SPOCK1: variants seen among roughly 807,000 people sequenced by gnomAD.
The protein encoded by SPOCK1 is SPARC (osteonectin), cwcv and kazal like domains proteoglycan 1.
In SPOCK1, 23 loss-of-function variants were observed where a neutral mutation model predicts 55.3. The observed-to-expected ratio is 0.42, with a 90% confidence interval of 0.30 to 0.59. The LOEUF is 0.59. Ranked by LOEUF, SPOCK1 falls within the 20% of genes least tolerant of loss-of-function variation. The pLI is 0.22. For synonymous variants in SPOCK1, 226 were observed against 221.0 expected (o/e 1.02, Z -0.20); for missense variants, 499 against 552.5 (o/e 0.90, Z 0.97).
intron 8 of SPOCK1, among the ~76,000 whole-genome samples, chr5:136,985,754 C>A (rs752235517): frequency 6.6e-6 from 1 of 152,176 alleles, no homozygotes; most frequent in Non-Finnish European, 1.5e-5. Context: ...GGCTCTGCCA[C>A]CTCCTAGCTG....
intron 2 of SPOCK1, among the ~76,000 whole-genome samples, chr5:137,383,554 G>T (rs918466724): frequency 2.6e-5 from 4 of 152,176 alleles, no homozygotes; most frequent in Non-Finnish European, 5.9e-5. Context: ...CCTAGTCAGG[G>T]TAACTTCCTC....
chr5:137,109,697 T>G (rs1377142729), intron 5 of SPOCK1, among the ~76,000 whole-genome samples: 1 of 152,116 alleles, frequency 6.6e-6, no homozygotes, highest in Non-Finnish European at 1.5e-5. Context: ...ATCCTCATGG[T>G]TCTTCAAACA....
chr5:137,376,580 A>G (rs1751323543), intron 2 of SPOCK1, among the ~76,000 whole-genome samples: 1 of 152,262 alleles, frequency 6.6e-6, no homozygotes, highest in South Asian at 2.1e-4. Context: ...TATCCACCAT[A>G]CAAAGGTTTC....
At chr5:137,324,790 A>AG (rs201927746) in intron 2 of SPOCK1, among the ~76,000 whole-genome samples, 1 of 150,066 alleles carries the variant, frequency 6.7e-6, no homozygotes, top group East Asian at 2.0e-4. Context: ...AACCACAATT[A>AG]GGAAAAAAAA....
chr5:137,493,486 G>A (rs1272314595), intron 2 of SPOCK1, among the ~76,000 whole-genome samples: 1 of 152,220 alleles, frequency 6.6e-6, no homozygotes, highest in African/African-American at 2.4e-5. Context: ...GGGGCAAGGA[G>A]CTCTGCCATC....
chr5:136,978,787 T>C lies in SPOCK1; in HGVS notation c.1187A>G (p.Asp396Gly), dbSNP rs777325940. 1 of 1,614,056 alleles carries C rather than the reference T, an allele frequency of 6.2e-7. No homozygotes were observed. The highest frequency in any genetic ancestry group is 1.1e-5 in the South Asian group (1 of 91,068). The part of the protein sequence containing the change: ...FGSGGSVVLL[D>G]DLEYERELGP... ...CAGCTCCCGTTCATATTCTAGGTCA[T>C]CCAGCAGGACCACGGACCCACCACT... The change falls in exon 11 of 11, where the codon GAT becomes GGT. Residue 396 changes from aspartate to glycine, a missense_variant. By Grantham distance (94) the Asp-to-Gly change is moderately conservative (BLOSUM62 -1). Coordinates refer to ENST00000394945, the MANE Select transcript of SPOCK1 (RefSeq NM_004598.4).
chr5:137,070,212 G>A (rs757177455), intron 5 of SPOCK1, among the ~76,000 whole-genome samples: 5 of 152,312 alleles, frequency 3.3e-5, no homozygotes, highest in Middle Eastern at 3.4e-3. Flanking sequence ...GGACCCAGAA[G>A]GCAGAGAACA....
intron 4 of SPOCK1, among the ~76,000 whole-genome samples, chr5:137,133,500 C>T (rs1753923414): frequency 6.6e-6 from 1 of 152,196 alleles, no homozygotes; most frequent in African/African-American, 2.4e-5. Flanking sequence ...TAATTATTCA[C>T]ATCTCCATTA....
intron 3 of SPOCK1, among the ~76,000 whole-genome samples, chr5:137,190,478 G>GGT (rs1755158859): frequency 6.6e-6 from 1 of 152,058 alleles, no homozygotes; most frequent in African/African-American, 2.4e-5. Context: ...TTTAAATTAA[G>GGT]GTATGTACAT....
At chr5:137,477,492 A>G (rs994618917) in intron 2 of SPOCK1, among the ~76,000 whole-genome samples, 1 of 152,204 alleles carries the variant, frequency 6.6e-6, no homozygotes, top group Non-Finnish European at 1.5e-5. Flanking sequence ...ACACTTGCAG[A>G]CCACTCAGTT....
At chr5:137,498,266 C>G in intron 2 of SPOCK1, 107 bp downstream of exon 2, 1 of 795,506 alleles carries the variant, frequency 1.3e-6, no homozygotes, top group East Asian at 3.5e-5. Flanking sequence ...CCCCTCCCAA[C>G]CACACACACA....
chr5:137,043,767 T>C (rs981745969), intron 6 of SPOCK1, among the ~76,000 whole-genome samples: 6 of 152,090 alleles, frequency 3.9e-5, no homozygotes, highest in African/African-American at 1.4e-4. Context: ...TCATCCAAAA[T>C]GAGGAAAATG....
intron 4 of SPOCK1, among the ~76,000 whole-genome samples, chr5:137,132,640 T>C (rs903925999): frequency 3.3e-5 from 5 of 152,186 alleles, no homozygotes; most frequent in East Asian, 1.9e-4. Context: ...GCTTGACTTA[T>C]TAGCATCTGA....
intron 2 of SPOCK1, among the ~76,000 whole-genome samples, chr5:137,470,605 G>C (rs1435071144): frequency 6.6e-6 from 1 of 151,202 alleles, no homozygotes; most frequent in African/African-American, 2.4e-5. Flanking sequence ...GTGTAGTCTG[G>C]TGGCTCATGC....
intron 2 of SPOCK1, among the ~76,000 whole-genome samples, chr5:137,429,993 G>A (rs898633534): frequency 1.3e-5 from 2 of 152,202 alleles, no homozygotes; most frequent in African/African-American, 4.8e-5. Context: ...CAATTCCTGT[G>A]TGTCCACCTC....
At chr5:137,005,824 GA>G (rs1315451105) in intron 6 of SPOCK1, among the ~76,000 whole-genome samples, 3 of 152,152 alleles carry the variant, frequency 2.0e-5, no homozygotes, top group African/African-American at 7.2e-5. Context: ...GACAACAATG[GA>G]ACATGACATA....
chr5:137,115,041 C>T lies in SPOCK1; in HGVS notation c.348-2480G>A, dbSNP rs150582765. Among the ~76,000 whole-genome samples, 621 of 152,278 alleles carry T rather than the reference C, an allele frequency of 4.1e-3. 1 individual carries two copies. In the Middle Eastern group the frequency reaches 0.068, roughly 17 times the overall value. On this transcript the variant is annotated intron_variant, in intron 4 of 10. Transcript: ENST00000394945. The stretch of plus-strand genomic sequence containing the variant: ...TCAGCTATCAATCACCAGTTAATGA[C>T]AAATCATCTCTATCACTGGACCTGA...
At chr5:137,441,842 C>G (rs1241264867) in intron 2 of SPOCK1, among the ~76,000 whole-genome samples, 2 of 152,196 alleles carry the variant, frequency 1.3e-5, no homozygotes, top group Non-Finnish European at 2.9e-5. Flanking sequence ...TAAAAGGACA[C>G]TCACTCCAGC....
intron 3 of SPOCK1, among the ~76,000 whole-genome samples, chr5:137,160,627 TATAATATATAATATATATTTTATATA>T (rs1754531228): frequency 1.0e-5 from 1 of 96,134 alleles, no homozygotes; most frequent in Non-Finnish European, 1.9e-5. Flanking sequence ...ATATATTTTA[TATAATATATAATATATATTTTATATA>T]ATATACAATA....
Sources: gnomAD v4.1 joint callset for allele counts (sites outside exome capture counted in the v4.1 genomes callset) on GRCh38, gnomAD v4.1.1 for gene constraint, MANE v1.5 for transcripts, NCBI Gene and HGNC (gene_info 2026-07-23, HGNC 2026-07-21) for gene names.